LRP1B: variants seen among roughly 807,000 people sequenced by gnomAD.
LRP1B encodes the protein low-density lipoprotein receptor-related protein 1B.
Under a neutral mutation model 556.6 loss-of-function variants are expected in LRP1B, and 217 were observed. That is an observed-to-expected ratio of 0.39 (90% CI 0.35 to 0.44). LRP1B has a LOEUF of 0.44. Ranked by LOEUF, LRP1B falls within the 20% of genes least tolerant of loss-of-function variation. The pLI is 1.00. For synonymous variants in LRP1B, 2,047 were observed against 1,865.8 expected (o/e 1.10, Z -2.50); for missense variants, 5,053 against 5,620.8 (o/e 0.90, Z 3.23).
rs540210742 is a variant in LRP1B at position 141,295,816 on chromosome 2, A to C, written c.344-41175T>G. 2.4e-4 allele frequency among the ~76,000 whole-genome samples: 35 copies of C among 144,826 alleles called. No homozygotes were observed. In the South Asian group the frequency reaches 7.5e-3, roughly 31 times the overall value. On this transcript the variant is annotated intron_variant, in intron 3 of 90. Transcript: ENST00000389484. ...ATAACAGTGGGGCATCTAGCCTCTA[A>C]TTCTTGCCAAGCTTAATTTTCTGTT...
At chr2:140,719,033 A>G (rs557207207) in intron 35 of LRP1B, among the ~76,000 whole-genome samples, 1 of 152,036 alleles carries the variant, frequency 6.6e-6, no homozygotes, top group Non-Finnish European at 1.5e-5. Flanking sequence ...TATCAAACAC[A>G]TTATATATTT....
intron 41 of LRP1B, among the ~76,000 whole-genome samples, chr2:140,649,349 C>T (rs1208150945): frequency 6.6e-6 from 1 of 152,136 alleles, no homozygotes; most frequent in Admixed American, 6.5e-5. Context: ...TTCTTCATCC[C>T]TAGCACTATT....
chr2:142,091,673 CTTCT>C (rs1706178443), intron 1 of LRP1B, among the ~76,000 whole-genome samples: 1 of 152,130 alleles, frequency 6.6e-6, no homozygotes, highest in African/African-American at 2.4e-5. Context: ...ACCATAGACA[CTTCT>C]TTCTTCAAAG....
intron 66 of LRP1B, among the ~76,000 whole-genome samples, chr2:140,399,350 CTT>C (rs574899792): frequency 8.7e-4 from 132 of 152,148 alleles, no homozygotes; most frequent in African/African-American, 2.8e-3. Context: ...CATTTTTTCT[CTT>C]ATATCTTTTT....
intron 7 of LRP1B, among the ~76,000 whole-genome samples, chr2:141,077,844 G>C (rs1198804727): frequency 1.3e-5 from 2 of 152,044 alleles, no homozygotes; most frequent in African/African-American, 4.8e-5. Context: ...TTCCCTGATA[G>C]AATTTTGACT....
intron 84 of LRP1B, among the ~76,000 whole-genome samples, chr2:140,289,079 T>A (rs1171658637): frequency 6.6e-6 from 1 of 151,970 alleles, no homozygotes; most frequent in Non-Finnish European, 1.5e-5. Flanking sequence ...TCTTAAAATT[T>A]TTTTATTCAG....
chr2:141,379,524 T>C (rs1380273097), intron 3 of LRP1B, among the ~76,000 whole-genome samples: 1 of 152,128 alleles, frequency 6.6e-6, no homozygotes, highest in Non-Finnish European at 1.5e-5. Flanking sequence ...AACAGGCAAC[T>C]GAGAAAATAC....
intron 43 of LRP1B, among the ~76,000 whole-genome samples, chr2:140,595,100 A>ATATATC (rs1558992092): frequency 3.9e-4 from 13 of 33,430 alleles, no homozygotes; most frequent in Non-Finnish European, 5.9e-4. Context: ...ATATATATAT[A>ATATATC]TATATATATA....
intron 82 of LRP1B, among the ~76,000 whole-genome samples, chr2:140,316,885 C>T (rs1340000576): frequency 2.6e-5 from 4 of 152,098 alleles, no homozygotes; most frequent in Admixed American, 6.6e-5. Context: ...GAAGCGCTGA[C>T]AGTTGGGTCT....
At chr2:141,152,708 C>T (rs1701954989) in intron 7 of LRP1B, among the ~76,000 whole-genome samples, 1 of 151,558 alleles carries the variant, frequency 6.6e-6, no homozygotes, top group South Asian at 2.1e-4. Flanking sequence ...TTATATAATA[C>T]CAATAGATAT....
At chr2:140,817,840 T>C (rs1691180934) in intron 31 of LRP1B, among the ~76,000 whole-genome samples, 1 of 152,124 alleles carries the variant, frequency 6.6e-6, no homozygotes, top group African/African-American at 2.4e-5. Context: ...CCAATAGATA[T>C]TTTTAATACA....
chr2:140,629,991 G>A (rs1035932278), intron 41 of LRP1B, among the ~76,000 whole-genome samples: 9 of 152,194 alleles, frequency 5.9e-5, no homozygotes, highest in African/African-American at 1.4e-4. Context: ...TAGCAAATGC[G>A]AGAAGCAAGC....
intron 2 of LRP1B, among the ~76,000 whole-genome samples, chr2:141,587,916 G>A (rs1000265971): frequency 1.3e-5 from 2 of 152,178 alleles, no homozygotes; most frequent in East Asian, 1.9e-4. Context: ...CAAAATACAC[G>A]TATACACCAA....
Position 140,903,176 on chromosome 2 carries a change from G to A in LRP1B, c.3521-11C>T, listed in dbSNP as rs543505582. 1.9e-6 allele frequency: 3 copies of A among 1,611,754 alleles called. No individual in the cohort carries two copies. The highest frequency in any genetic ancestry group is 1.1e-5 in the South Asian group (1 of 90,920). ...TCAGCGAACACTCATCTATAAAAAGGGGGGAACAGATTATAGGTCTTATCA... is the reference window on the plus strand; with the variant it reads ...TCAGCGAACACTCATCTATAAAAAGAGGGGAACAGATTATAGGTCTTATCA... On this transcript the variant is annotated splice_polypyrimidine_tract_variant and intron_variant, in intron 22 of 90. Coordinates refer to ENST00000389484, the MANE Select transcript of LRP1B (RefSeq NM_018557.3).
chr2:140,231,600 T>C lies in LRP1B; in HGVS notation c.*1586A>G, dbSNP rs550999265. The C allele has an allele frequency of 6.6e-6, 1 of 151,954 alleles. No homozygotes were observed. Among genetic ancestry groups the C allele is most frequent in the Admixed American group, 6.6e-5 (1 of 15,152 alleles). 9.4% of individuals were successfully genotyped at this position (151,954 alleles called of 1,614,324 possible). A position where few individuals can be genotyped will look rare whatever the true frequency, so the allele number is the denominator to read the frequency against. ...AAAAAGTTTATGATATGCATAACATTGTTCAAGCAAAATTGCACTAGTATT... is the reference window on the plus strand; with the variant it reads ...AAAAAGTTTATGATATGCATAACATCGTTCAAGCAAAATTGCACTAGTATT... On this transcript the variant is annotated 3_prime_UTR_variant, in exon 91 of 91. Transcript: ENST00000389484.
At chr2:140,923,801 C>A (rs1390177521) in intron 20 of LRP1B, among the ~76,000 whole-genome samples, 2 of 151,780 alleles carry the variant, frequency 1.3e-5, no homozygotes, top group Non-Finnish European at 2.9e-5. Context: ...TAACAATGAC[C>A]AGGTAACATT....
intron 82 of LRP1B, among the ~76,000 whole-genome samples, chr2:140,320,584 C>T (rs1393964690): frequency 6.7e-6 from 1 of 149,864 alleles, no homozygotes; most frequent in Non-Finnish European, 1.5e-5. Context: ...TTTTGGAGCG[C>T]TACATTTTTT....
At chr2:140,388,570 GC>G (rs533013339) in intron 66 of LRP1B, among the ~76,000 whole-genome samples, 49 of 152,252 alleles carry the variant, frequency 3.2e-4, no homozygotes, top group Middle Eastern at 6.8e-3. Flanking sequence ...AAAGAGTAAT[GC>G]AGGAAACATT....
chr2:141,425,223 T>C (rs1395556055), intron 3 of LRP1B, among the ~76,000 whole-genome samples: 1 of 151,912 alleles, frequency 6.6e-6, no homozygotes, highest in Non-Finnish European at 1.5e-5. Flanking sequence ...TCCAATTTCA[T>C]CCATGTCCCT....
Sources: gnomAD v4.1 joint callset for allele counts (sites outside exome capture counted in the v4.1 genomes callset) on GRCh38, gnomAD v4.1.1 for gene constraint, MANE v1.5 for transcripts, NCBI Gene and HGNC (gene_info 2026-07-23, HGNC 2026-07-21) for gene names.